The following TAF3 variants were observed in gnomAD, a reference collection of about 807,000 sequenced individuals.
The protein encoded by TAF3 is TATA-box binding protein associated factor 3.
In TAF3, 7 loss-of-function variants were observed where a neutral mutation model predicts 80.6. The ratio of observed to expected loss-of-function variants is 0.09; its 90% CI spans 0.05 to 0.16. TAF3 has a LOEUF of 0.16. Among genes scored for constraint, TAF3 ranks in the 10% least tolerant of loss-of-function variants. TAF3 has a pLI of 1.00. For missense variants in TAF3, 921 were observed against 1,140.2 expected (o/e 0.81, Z 2.77); for synonymous variants, 444 against 446.1 (o/e 1.00, Z 0.06).
Position 8,015,085 on chromosome 10 carries a change from T to C in TAF3, c.*334T>C. 5.2e-6 allele frequency: 1 copy of C among 193,602 alleles called. No homozygotes were observed. The highest frequency in any genetic ancestry group is 1.1e-5 in the Non-Finnish European group (1 of 92,186). 12.0% of individuals were successfully genotyped at this position (193,602 alleles called of 1,614,324 possible). A position where few individuals can be genotyped will look rare whatever the true frequency, so the allele number is the denominator to read the frequency against. On this transcript the variant is annotated 3_prime_UTR_variant, in exon 7 of 7. Transcript: ENST00000344293. The stretch of plus-strand genomic sequence containing the variant: ...GATTTCCTTTATTCTCTCCAGGGCC[T>C]TTTCATTGAGGTATTAGATGAGAAG...
intron 2 of TAF3, among the ~76,000 whole-genome samples, chr10:7,906,549 G>C (rs1837609951): frequency 6.6e-6 from 1 of 152,090 alleles, no homozygotes; most frequent in South Asian, 2.1e-4. Context: ...TGAAACCTTA[G>C]AGGTTTCTGC....
At chr10:7,903,949 G>A (rs751175199) in intron 2 of TAF3, among the ~76,000 whole-genome samples, 2 of 152,130 alleles carry the variant, frequency 1.3e-5, no homozygotes, top group African/African-American at 2.4e-5. Context: ...ATATTTTACG[G>A]TATTGTAGGT....
intron 2 of TAF3, among the ~76,000 whole-genome samples, chr10:7,900,296 A>G (rs1274481424): frequency 1.3e-5 from 2 of 152,258 alleles, no homozygotes; most frequent in South Asian, 2.1e-4. Flanking sequence ...AGTGTTTTGT[A>G]GCAATTATTG....
chr10:7,956,402 G>A (rs938361998), intron 2 of TAF3, among the ~76,000 whole-genome samples: 2 of 152,060 alleles, frequency 1.3e-5, no homozygotes, highest in African/African-American at 2.4e-5. Flanking sequence ...CAGGAGAATC[G>A]CTTGACCCCG....
At chr10:7,825,433 T>A (rs972392043) in intron 2 of TAF3, among the ~76,000 whole-genome samples, 3 of 152,210 alleles carry the variant, frequency 2.0e-5, no homozygotes, top group African/African-American at 4.8e-5. Flanking sequence ...CCCATCCTTC[T>A]CCAGAACTTT....
chr10:8,007,132 A>G (rs1393352958), intron 4 of TAF3, among the ~76,000 whole-genome samples: 1 of 152,182 alleles, frequency 6.6e-6, no homozygotes, highest in African/African-American at 2.4e-5. Flanking sequence ...TTACAAGTGA[A>G]TGTCTCCTAC....
At chr10:7,904,794 T>C (rs1469105431) in intron 2 of TAF3, among the ~76,000 whole-genome samples, 16 of 152,100 alleles carry the variant, frequency 1.1e-4, no homozygotes, top group Admixed American at 1.0e-3. Flanking sequence ...TTCCAGATTC[T>C]CTGGAAAAAC....
chr10:7,990,523 T>A (rs1831824149), intron 4 of TAF3, among the ~76,000 whole-genome samples: 1 of 152,218 alleles, frequency 6.6e-6, no homozygotes, highest in South Asian at 2.1e-4. Flanking sequence ...TAGCATGAAC[T>A]GTTTTTCTGT....
chr10:7,838,034 G>C (rs1434097607), intron 2 of TAF3, among the ~76,000 whole-genome samples: 5 of 152,190 alleles, frequency 3.3e-5, no homozygotes, highest in Admixed American at 6.5e-5. Context: ...ATTTAATCTT[G>C]AAACAGGTCC....
intron 2 of TAF3, among the ~76,000 whole-genome samples, chr10:7,890,537 A>G (rs572764000): frequency 6.6e-6 from 1 of 152,378 alleles, no homozygotes; most frequent in African/African-American, 2.4e-5. Context: ...TTTAAGATGT[A>G]TAAATATGTG....
rs539252838 is a variant in TAF3 at position 7,865,459 on chromosome 10, A to T, written c.409+40899A>T. Among the ~76,000 whole-genome samples the T allele has an allele frequency of 2.0e-5, 3 of 151,130 alleles. No individual in the cohort carries two copies. The East Asian group carries it at 5.9e-4, about 29-fold the overall frequency. On this transcript the variant is annotated intron_variant, in intron 2 of 6. Coordinates refer to ENST00000344293, the MANE Select transcript of TAF3 (RefSeq NM_031923.4). ...GCGCCTCTGCACTCCAGCCTGGGGGACAGAGTGAGACTCCGTCTCAAACAA... is the reference window on the plus strand; with the variant it reads ...GCGCCTCTGCACTCCAGCCTGGGGGTCAGAGTGAGACTCCGTCTCAAACAA...
chr10:7,838,908 G>GTTTTTTTTTTTTTTTTTTTTTTTT (rs71505463), intron 2 of TAF3, among the ~76,000 whole-genome samples: 1 of 101,866 alleles, frequency 9.8e-6, no homozygotes, highest in Non-Finnish European at 1.9e-5. Context: ...GGCATTGCTT[G>GTTTTTTTTTTTTTTTTTTTTTTTT]TTTTTTTTTT....
intron 2 of TAF3, among the ~76,000 whole-genome samples, chr10:7,915,990 A>G (rs1417401751): frequency 3.3e-5 from 5 of 152,106 alleles, no homozygotes; most frequent in African/African-American, 1.2e-4. Flanking sequence ...AAAAGAAAAA[A>G]AAAAAACCAT....
intron 3 of TAF3, among the ~76,000 whole-genome samples, chr10:7,976,144 G>T (rs7096633): frequency 6.6e-6 from 1 of 152,088 alleles, no homozygotes; most frequent in East Asian, 1.9e-4. Context: ...CTCTTCTGAC[G>T]AACAGGTCAG....
intron 2 of TAF3, among the ~76,000 whole-genome samples, chr10:7,840,552 T>C (rs1369427821): frequency 5.9e-5 from 9 of 152,144 alleles, no homozygotes; most frequent in Non-Finnish European, 1.0e-4. Flanking sequence ...TGGTTTTTTT[T>C]CTAAATTTAG....
rs114541691 is a variant in TAF3, at chr10:7,970,434, C to A, written c.2232+4692C>A. On this transcript the variant is annotated intron_variant, in intron 3 of 6. Transcript: ENST00000344293. Reference sequence around the variant, plus strand: ...CTGCACAGAAAGGTCGAGTACCTTGCTGTAGCCAGTGAGGGGAGGGGGCCC... The same window carrying A: ...CTGCACAGAAAGGTCGAGTACCTTGATGTAGCCAGTGAGGGGAGGGGGCCC... 1.0e-2 allele frequency among the ~76,000 whole-genome samples: 1,517 copies of A among 152,282 alleles called. 28 individuals carry two copies. Among genetic ancestry groups the A allele is most frequent in the African/African-American group, 0.035 (1,441 of 41,554 alleles).
At chr10:7,830,768 G>A (rs1836792004) in intron 2 of TAF3, among the ~76,000 whole-genome samples, 1 of 152,138 alleles carries the variant, frequency 6.6e-6, no homozygotes, top group Non-Finnish European at 1.5e-5. Flanking sequence ...CCAGGCGTGA[G>A]CCACCCCGCC....
intron 2 of TAF3, among the ~76,000 whole-genome samples, chr10:7,852,210 A>G (rs191425785): frequency 2.0e-5 from 3 of 152,290 alleles, no homozygotes; most frequent in South Asian, 4.1e-4. Flanking sequence ...TCAGCATTCA[A>G]AAGTGCTGGG....
chr10:7,955,515 C>G (rs1838126449), intron 2 of TAF3, among the ~76,000 whole-genome samples: 1 of 152,210 alleles, frequency 6.6e-6, no homozygotes, highest in Admixed American at 6.5e-5. Context: ...AGTTGGAGAA[C>G]ATGCCACTGA....
Sources: gnomAD v4.1 joint callset for allele counts (sites outside exome capture counted in the v4.1 genomes callset) on GRCh38, gnomAD v4.1.1 for gene constraint, MANE v1.5 for transcripts, NCBI Gene and HGNC (gene_info 2026-07-23, HGNC 2026-07-21) for gene names.